Variants in CSGALNACT1 observed in about 807,000 individuals in gnomAD.
The protein encoded by CSGALNACT1 is chondroitin sulfate N-acetylgalactosaminyltransferase 1.
CSGALNACT1 carries 52 observed loss-of-function variants against 51.0 expected under a neutral mutation model. The observed-to-expected ratio is 1.02, with a 90% CI of 0.82 to 1.29. The LOEUF (loss-of-function observed/expected upper bound fraction) is 1.29, where lower values mean the gene tolerates loss of function less well. CSGALNACT1 is among the 50% of genes most tolerant of loss of function. The probability of loss-of-function intolerance (pLI) is 0.00; values close to 1 mark genes in which losing one functional copy is unlikely to be tolerated. For synonymous variants in CSGALNACT1, 341 were observed against 254.4 expected (o/e 1.34, Z -3.24); for missense variants, 935 against 679.2 (o/e 1.38, Z -4.19).
intron 1 of CSGALNACT1, among the ~76,000 whole-genome samples, chr8:19,621,996 C>A (rs371019165): frequency 6.6e-6 from 1 of 152,258 alleles, no homozygotes; most frequent in African/African-American, 2.4e-5. Context: ...CAAACAATAA[C>A]TCAAGTCCTG....
intron 5 of CSGALNACT1, among the ~76,000 whole-genome samples, chr8:19,452,087 G>C (rs138864525): frequency 6.6e-6 from 1 of 152,344 alleles, no homozygotes; most frequent in African/African-American, 2.4e-5. Flanking sequence ...ACCAATGAGG[G>C]AGACATAATC....
At chr8:19,409,328 C>T (rs750211241) in intron 8 of CSGALNACT1, among the ~76,000 whole-genome samples, 29 of 152,180 alleles carry the variant, frequency 1.9e-4, no homozygotes, top group Non-Finnish European at 3.4e-4. Flanking sequence ...TTCATCTTCA[C>T]GCTATTTTAA....
chr8:19,509,006 A>C (rs184922971), intron 3 of CSGALNACT1, among the ~76,000 whole-genome samples: 191 of 152,350 alleles, frequency 1.3e-3, no homozygotes, highest in African/African-American at 4.4e-3. Flanking sequence ...GAAAAGACAG[A>C]TTTTTAGGAA....
At chr8:19,464,704 C>T (rs1293988659) in intron 4 of CSGALNACT1, among the ~76,000 whole-genome samples, 3 of 152,074 alleles carry the variant, frequency 2.0e-5, no homozygotes, top group South Asian at 2.1e-4. Context: ...GGATGTAGGG[C>T]GTATGCTCCT....
intron 1 of CSGALNACT1, among the ~76,000 whole-genome samples, chr8:19,630,063 A>G (rs542691146): frequency 6.6e-6 from 1 of 152,128 alleles, no homozygotes; most frequent in South Asian, 2.1e-4. Context: ...CAACGTGGAA[A>G]AACTGGGCAG....
intron 3 of CSGALNACT1, among the ~76,000 whole-genome samples, chr8:19,573,248 C>T (rs1389058363): frequency 6.6e-6 from 1 of 152,176 alleles, no homozygotes; most frequent in Non-Finnish European, 1.5e-5. Flanking sequence ...AACTGACTGT[C>T]ATAGCAACCA....
chr8:19,733,857 C>T (rs2154246975), intron 1 of CSGALNACT1, among the ~76,000 whole-genome samples: 1 of 152,192 alleles, frequency 6.6e-6, no homozygotes, highest in Non-Finnish European at 1.5e-5. Context: ...ACCTCTGCTG[C>T]CATCCCTGAA....
Position 19,533,585 on chromosome 8 carries a change from T to C in CSGALNACT1, c.-296-27455A>G, listed in dbSNP as rs1370952296. 2.0e-5 allele frequency among the ~76,000 whole-genome samples: 3 copies of C among 152,206 alleles called. 1 individual carries two copies. In the East Asian group the frequency reaches 5.8e-4, roughly 29 times the overall value. Reference sequence around the variant, plus strand: ...CAAGCACTAGAGTTTAACCTTTCTATGGCTCATATAGAATATTTTTGATCA... The same window carrying C: ...CAAGCACTAGAGTTTAACCTTTCTACGGCTCATATAGAATATTTTTGATCA... On this transcript the variant is annotated intron_variant, in intron 3 of 9. Coordinates refer to ENST00000454498, the Ensembl canonical transcript of CSGALNACT1.
At chr8:19,608,560 G>C (rs951122514) in intron 1 of CSGALNACT1, among the ~76,000 whole-genome samples, 6 of 152,218 alleles carry the variant, frequency 3.9e-5, no homozygotes, top group Non-Finnish European at 7.3e-5. Context: ...GTCACTACAT[G>C]CATCTCCATT....
chr8:19,449,475 C>T (rs146303696), intron 5 of CSGALNACT1, among the ~76,000 whole-genome samples: 173 of 152,206 alleles, frequency 1.1e-3, no homozygotes, highest in African/African-American at 3.9e-3. Flanking sequence ...TGACCTGAGG[C>T]CTTTCTGTCA....
chr8:19,530,485 T>C (rs2082553511), intron 3 of CSGALNACT1, among the ~76,000 whole-genome samples: 1 of 152,248 alleles, frequency 6.6e-6, no homozygotes, highest in Admixed American at 6.5e-5. Context: ...ATTTATGCAT[T>C]ATAATCATGA....
At chr8:19,487,318 G>A (rs1169935601) in intron 4 of CSGALNACT1, among the ~76,000 whole-genome samples, 1 of 152,144 alleles carries the variant, frequency 6.6e-6, no homozygotes, top group African/African-American at 2.4e-5. Flanking sequence ...GATGGTGTCT[G>A]GAAATAAAAT....
chr8:19,597,585 G>T (rs2049234751), intron 2 of CSGALNACT1, among the ~76,000 whole-genome samples: 1 of 152,112 alleles, frequency 6.6e-6, no homozygotes, highest in African/African-American at 2.4e-5. Flanking sequence ...GATTACAGGT[G>T]TGAGCCACAG....
rs527526408 is a variant in CSGALNACT1 at position 19,614,337 on chromosome 8, T to C, written c.-543-12472A>G. Among the ~76,000 whole-genome samples, 148 of 152,334 alleles carry C rather than the reference T, an allele frequency of 9.7e-4. 1 individual carries two copies. The highest frequency in any genetic ancestry group is 2.6e-3 in the Admixed American group (40 of 15,306). On this transcript the variant is annotated intron_variant, in intron 1 of 9. Transcript: ENST00000332246. ...TATGTAATGTTAGCTTTTAAACTCA[T>C]TGTCTACTTTTTGTGGATTCGCCAT...
chr8:19,526,850 A>G (rs972748394), intron 3 of CSGALNACT1, among the ~76,000 whole-genome samples: 7 of 152,184 alleles, frequency 4.6e-5, no homozygotes, highest in African/African-American at 1.7e-4. Flanking sequence ...TGCAACTAAA[A>G]TTATCAAAGC....
At chr8:19,556,127 C>A (rs1216803237) in intron 3 of CSGALNACT1, among the ~76,000 whole-genome samples, 1 of 152,036 alleles carries the variant, frequency 6.6e-6, no homozygotes, top group African/African-American at 2.4e-5. Flanking sequence ...CCTGTAATCC[C>A]AACACTGTGG....
chr8:19,501,786 A>G (rs955271620), intron 4 of CSGALNACT1, among the ~76,000 whole-genome samples: 7 of 152,244 alleles, frequency 4.6e-5, no homozygotes, highest in Non-Finnish European at 7.3e-5. Context: ...ATTAGTTTGT[A>G]TATCCCATCC....
chr8:19,593,563 G>A (rs79082565), intron 2 of CSGALNACT1, among the ~76,000 whole-genome samples: 3,664 of 152,250 alleles, frequency 0.024, 162 homozygotes, highest in African/African-American at 0.084. Flanking sequence ...TTGCATGCTG[G>A]GAAGCCCCAG....
intron 3 of CSGALNACT1, among the ~76,000 whole-genome samples, chr8:19,550,969 T>C (rs1443479438): frequency 3.3e-5 from 5 of 152,312 alleles, no homozygotes; most frequent in African/African-American, 1.2e-4. Context: ...GTGGTTAGAA[T>C]GGGCTCCCAC....
Sources: allele counts gnomAD v4.1 joint callset (sites outside exome capture counted in the v4.1 genomes callset), GRCh38; gene constraint gnomAD v4.1.1; transcripts MANE v1.5; gene names NCBI Gene and HGNC (gene_info 2026-07-23, HGNC 2026-07-21).